RTN4RL1: variants seen among roughly 807,000 people sequenced by gnomAD.
RTN4RL1 encodes the protein reticulon 4 receptor like 1.
Under a neutral mutation model 25.6 loss-of-function variants are expected in RTN4RL1, and 7 were observed. The ratio of observed to expected loss-of-function variants is 0.27; its 90% CI spans 0.16 to 0.51. RTN4RL1 has a LOEUF of 0.51. Among genes scored for constraint, RTN4RL1 ranks in the 20% least tolerant of loss-of-function variants. The pLI is 0.97. For synonymous variants in RTN4RL1, 297 were observed against 288.2 expected (o/e 1.03, Z -0.31); for missense variants, 500 against 615.6 (o/e 0.81, Z 1.99).
Position 2,025,127 on chromosome 17 carries a change from C to T in RTN4RL1, c.-262G>A, listed in dbSNP as rs777701553. On this transcript the variant is annotated 5_prime_UTR_variant, in exon 1 of 2. Transcript: ENST00000331238. This position sits in a 1 kb window ranked among gnomAD's most constrained non-coding sequence, Gnocchi z 4.8. ...GCTCAGCCCCGGGGCGAGCGGCTTGCTCCGCGGAGCCGGCGGCCTGCTTCT... is the reference window on the plus strand; with the variant it reads ...GCTCAGCCCCGGGGCGAGCGGCTTGTTCCGCGGAGCCGGCGGCCTGCTTCT... 4.3e-4 allele frequency: 142 copies of T among 332,692 alleles called. 1 individual carries two copies. The highest frequency in any genetic ancestry group is 7.1e-4 in the Non-Finnish European group (131 of 184,280). The allele number at this position is 332,692 out of a possible 1,614,324, so 20.6% of individuals were successfully genotyped here. A position where few individuals can be genotyped will look rare whatever the true frequency, so the allele number is the denominator to read the frequency against.
In RTN4RL1 at chr17:1,998,624, G is replaced by T. The variant is rs1335229806; in HGVS notation, c.13+26229C>A. ...AGGGTGGGGGACGTGGGGCCGGCTC[G>T]CCTCCTCCTGGGCTCGCCGGGATGT... On this transcript the variant is annotated intron_variant, in intron 1 of 1. Coordinates refer to ENST00000331238, the MANE Select transcript of RTN4RL1 (RefSeq NM_178568.4). This position sits in a 1 kb window ranked among gnomAD's most constrained non-coding sequence, Gnocchi z 4.9. 6.6e-6 allele frequency among the ~76,000 whole-genome samples: 1 copy of T among 152,042 alleles called. No homozygotes were observed. The highest frequency in any genetic ancestry group is 6.5e-5 in the Admixed American group (1 of 15,268).
At chr17:2,022,724 CCAGG>C (rs1392946971) in intron 1 of RTN4RL1, among the ~76,000 whole-genome samples, 1 of 152,256 alleles carries the variant, frequency 6.6e-6, no homozygotes, top group African/African-American at 2.4e-5. Context: ...TCCAGGTCAC[CCAGG>C]CTGAGCCCAG....
intron 1 of RTN4RL1, among the ~76,000 whole-genome samples, chr17:1,974,502 A>C (rs1432974991): frequency 1.3e-5 from 2 of 152,182 alleles, no homozygotes; most frequent in African/African-American, 2.4e-5. Context: ...TAATTTGAGG[A>C]GAGTTTAATA....
At chr17:1,944,882 CT>C (rs1915506917) in intron 1 of RTN4RL1, among the ~76,000 whole-genome samples, 2 of 152,224 alleles carry the variant, frequency 1.3e-5, no homozygotes, top group South Asian at 4.1e-4. Context: ...AACCTCGCCC[CT>C]GTATCTCATC....
Position 1,937,241 on chromosome 17 carries a change from CG to C in RTN4RL1, c.580del (p.Arg194GlyfsTer4). The C allele has an allele frequency of 6.2e-7, 1 of 1,612,060 alleles. No homozygotes were observed. The highest frequency in any genetic ancestry group is 8.5e-7 in the Non-Finnish European group (1 of 1,179,832). On this transcript the variant is annotated frameshift_variant, in exon 2 of 2. Transcript: ENST00000331238. LOFTEE classifies it high-confidence loss of function. Reference sequence around the variant, plus strand: ...AAGACGGTCCAGGTTCACCAGGCCCCGGAAGGTGCCCGGGCCCAGACTCCAC... The same window carrying C: ...AAGACGGTCCAGGTTCACCAGGCCCCGAAGGTGCCCGGGCCCAGACTCCAC... ...KLWSLGPGTF[R>X]GLVNLDRLLL...
At chr17:1,991,690 C>T (rs1199075011) in intron 1 of RTN4RL1, among the ~76,000 whole-genome samples, 1 of 152,174 alleles carries the variant, frequency 6.6e-6, no homozygotes, top group Admixed American at 6.5e-5. Context: ...GGTAGCTTGG[C>T]ATCCACCCCA....
intron 1 of RTN4RL1, among the ~76,000 whole-genome samples, chr17:1,985,800 G>T (rs927576817): frequency 6.6e-6 from 1 of 152,120 alleles, no homozygotes; most frequent in Non-Finnish European, 1.5e-5. Context: ...ATAGGATGCT[G>T]ATGGGATCTC....
intron 1 of RTN4RL1, among the ~76,000 whole-genome samples, chr17:1,999,275 G>C (rs1334237407): frequency 2.0e-5 from 3 of 151,784 alleles, no homozygotes; most frequent in African/African-American, 7.3e-5. Flanking sequence ...GTGAAACCCC[G>C]TCTCTACCAA....
At chr17:1,992,256 T>G (rs867743428) in intron 1 of RTN4RL1, among the ~76,000 whole-genome samples, 1 of 141,632 alleles carries the variant, frequency 7.1e-6, no homozygotes, top group Non-Finnish European at 1.5e-5. Flanking sequence ...CCCAGCTACT[T>G]GGGGGGGCAG....
At chr17:1,940,700 C>T (rs1398688517) in intron 1 of RTN4RL1, among the ~76,000 whole-genome samples, 1 of 152,142 alleles carries the variant, frequency 6.6e-6, no homozygotes, top group Non-Finnish European at 1.5e-5. Context: ...TCCACAGAGC[C>T]GACACTCCCC....
rs1046330199 is a variant in RTN4RL1 at position 1,935,950 on chromosome 17, C to G, written c.*546G>C. The stretch of plus-strand genomic sequence containing the variant: ...ACATCAGGAATGAGAGGCGCTACCC[C>G]CGAGGGAGGGGCTGAAGGTGGAGTA... On this transcript the variant is annotated 3_prime_UTR_variant, in exon 2 of 2. Coordinates refer to ENST00000331238, the MANE Select transcript of RTN4RL1 (RefSeq NM_178568.4). 7.1e-6 allele frequency: 7 copies of G among 985,564 alleles called. No homozygotes were observed. In the African/African-American group the frequency reaches 1.2e-4, roughly 17 times the overall value. The allele number at this position is 985,564 out of a possible 1,614,324, so 61.1% of individuals were successfully genotyped here.
At chr17:2,019,036 C>G (rs1324312523) in intron 1 of RTN4RL1, 2 of 152,290 alleles carry the variant, frequency 1.3e-5, no homozygotes, top group Non-Finnish European at 2.9e-5. Flanking sequence ...GGGCTCCTCT[C>G]TCCAGTTCCT....
chr17:1,937,378 C>A lies in RTN4RL1; in HGVS notation c.444G>T (p.Leu148=). The change falls in exon 2 of 2, where the codon CTG becomes CTT. Residue 148 remains leucine (L), a synonymous_variant. Coordinates refer to ENST00000331238, the MANE Select transcript of RTN4RL1 (RefSeq NM_178568.4). The stretch of plus-strand genomic sequence containing the variant: ...GCAGGTAGAGGTACTGCAGGCTGTG[C>A]AGGCCGCCAAAGACGCCGGCCGGCA... ...SALPAGVFGG[L]HSLQYLYLQD... is the part of the protein sequence containing the mutation. The A allele has an allele frequency of 6.2e-7, 1 of 1,613,650 alleles. No homozygotes were observed. Among genetic ancestry groups the A allele is most frequent in the Non-Finnish European group, 8.5e-7 (1 of 1,179,862 alleles).
At chr17:1,999,157 A>ACG (rs1342851457) in intron 1 of RTN4RL1, among the ~76,000 whole-genome samples, 2 of 95,652 alleles carry the variant, frequency 2.1e-5, no homozygotes, top group African/African-American at 8.6e-5. Flanking sequence ...ACACACACAC[A>ACG]CACACACCGG....
intron 1 of RTN4RL1, among the ~76,000 whole-genome samples, chr17:1,990,897 C>T (rs956400988): frequency 5.3e-5 from 8 of 152,148 alleles, no homozygotes; most frequent in East Asian, 1.9e-4. Context: ...AGAGAGGAGA[C>T]GGTGTGCACA....
chr17:1,953,383 G>A (rs1405291115), intron 1 of RTN4RL1, among the ~76,000 whole-genome samples: 1 of 152,044 alleles, frequency 6.6e-6, no homozygotes, highest in Non-Finnish European at 1.5e-5. Context: ...TCCAGCCTGG[G>A]TAGAGCGAGA....
In RTN4RL1 at chr17:1,937,128, T is replaced by G; in HGVS notation, c.694A>C (p.Ser232Arg). The G allele has an allele frequency of 6.2e-7, 1 of 1,610,932 alleles. No homozygotes were observed. Among genetic ancestry groups the G allele is most frequent in the South Asian group, 1.1e-5 (1 of 90,738 alleles). ...RLTTLFLFNNSLSELQGECLA... is the reference protein window; with the variant it reads ...RLTTLFLFNNRLSELQGECLA... ...CACTCACCCTGCAGCTCCGAGAGGC[T>G]GTTGTTGAAGAGGAAGAGGGTGGTC... Residue 232 changes from serine to arginine, a missense_variant, in exon 2 of 2, where the codon AGC (serine) becomes CGC (arginine). Coordinates refer to ENST00000331238, the MANE Select transcript of RTN4RL1 (RefSeq NM_178568.4).
intron 1 of RTN4RL1, among the ~76,000 whole-genome samples, chr17:1,945,026 C>A (rs899413273): frequency 6.6e-6 from 1 of 151,460 alleles, no homozygotes; most frequent in Non-Finnish European, 1.5e-5. Flanking sequence ...CCTCCCCAGC[C>A]GCAGTGGCCT....
intron 1 of RTN4RL1, among the ~76,000 whole-genome samples, chr17:1,944,598 A>G (rs1915498407): frequency 6.6e-6 from 1 of 152,108 alleles, no homozygotes; most frequent in Admixed American, 6.6e-5. Context: ...CTGGGATTAC[A>G]GGTGCCCACC....
Sources: gnomAD v4.1 joint callset for allele counts (sites outside exome capture counted in the v4.1 genomes callset) on GRCh38, gnomAD v4.1.1 for gene constraint, Gnocchi (gnomAD v3.1) non-coding constraint, MANE v1.5 for transcripts, NCBI Gene and HGNC (gene_info 2026-07-23, HGNC 2026-07-21) for gene names.